The following PTPRN2 variants were observed in gnomAD, a reference collection of about 807,000 sequenced individuals.
PTPRN2 encodes the protein protein tyrosine phosphatase receptor type N2.
A neutral mutation model predicts 118.8 loss-of-function variants in PTPRN2; 74 were observed. The observed-to-expected ratio is 0.62, with a 90% CI of 0.52 to 0.76. The LOEUF (loss-of-function observed/expected upper bound fraction) is 0.76, where lower values mean the gene tolerates loss of function less well. Ranked by LOEUF, PTPRN2 falls within the 30% of genes least tolerant of loss-of-function variation. The pLI, the probability that PTPRN2 is intolerant of heterozygous loss-of-function variation, is 0.00. For missense variants in PTPRN2, 1,481 were observed against 1,394.4 expected (o/e 1.06, Z -0.99); for synonymous variants, 641 against 608.0 (o/e 1.05, Z -0.80).
At chr7:157,793,725 A>G (rs1242620795) in intron 12 of PTPRN2, among the ~76,000 whole-genome samples, 1 of 152,152 alleles carries the variant, frequency 6.6e-6, no homozygotes, top group Non-Finnish European at 1.5e-5. Context: ...CCCCAGGGCC[A>G]CGTATAGATC....
intron 1 of PTPRN2, among the ~76,000 whole-genome samples, chr7:158,584,605 C>T (rs916581134): frequency 6.6e-6 from 1 of 152,088 alleles, no homozygotes; most frequent in African/African-American, 2.4e-5. Context: ...GGAGCCCTTC[C>T]GACCAGAAAG....
At chr7:157,642,086 C>T (rs926114127) in intron 14 of PTPRN2, among the ~76,000 whole-genome samples, 9 of 152,348 alleles carry the variant, frequency 5.9e-5, no homozygotes, top group Middle Eastern at 3.4e-3. Context: ...CCCCCTGCCA[C>T]GCCCGACACT....
intron 3 of PTPRN2, among the ~76,000 whole-genome samples, chr7:158,299,291 C>T (rs553081430): frequency 7.2e-6 from 1 of 139,160 alleles, no homozygotes; most frequent in East Asian, 2.1e-4. Flanking sequence ...GCAGGGCTCT[C>T]AGGAAGCAAT....
chr7:158,339,159 T>C (rs1400169153), intron 2 of PTPRN2, among the ~76,000 whole-genome samples: 1 of 3,450 alleles, frequency 2.9e-4, no homozygotes, highest in Non-Finnish European at 4.9e-4. Flanking sequence ...AGAGGTGACA[T>C]ATGCAGACGT....
intron 2 of PTPRN2, among the ~76,000 whole-genome samples, chr7:158,468,481 C>T: frequency 6.6e-6 from 1 of 152,184 alleles, no homozygotes; most frequent in Non-Finnish European, 1.5e-5. Flanking sequence ...GCCCCCACCC[C>T]GCCCCTCGCC....
At chr7:158,332,768 C>A (rs1392627593) in intron 2 of PTPRN2, among the ~76,000 whole-genome samples, 2 of 151,642 alleles carry the variant, frequency 1.3e-5, no homozygotes, top group Admixed American at 6.6e-5. Flanking sequence ...GACACTCACA[C>A]CCATACTCTC....
chr7:157,755,349 T>A (rs1585387606), intron 12 of PTPRN2, among the ~76,000 whole-genome samples: 1 of 152,226 alleles, frequency 6.6e-6, no homozygotes, highest in African/African-American at 2.4e-5. Flanking sequence ...TCTGATGATG[T>A]TTGTTATTTT....
chr7:157,981,518 T>A (rs553645237), intron 11 of PTPRN2, among the ~76,000 whole-genome samples: 7 of 152,330 alleles, frequency 4.6e-5, no homozygotes, highest in South Asian at 4.1e-4. Context: ...AAAACAATAG[T>A]TTCTTTCCTG....
At chr7:157,890,149 G>A (rs921171823) in intron 12 of PTPRN2, among the ~76,000 whole-genome samples, 19 of 151,372 alleles carry the variant, frequency 1.3e-4, no homozygotes, top group African/African-American at 4.1e-4. Flanking sequence ...TACATTTCTC[G>A]GAGTTTGATT....
chr7:158,116,964 A>G (rs758836340), intron 9 of PTPRN2, among the ~76,000 whole-genome samples: 2 of 152,214 alleles, frequency 1.3e-5, no homozygotes, highest in African/African-American at 2.4e-5. Context: ...TGGAGAGACA[A>G]TCTGATTTCC....
rs114162402 is a variant in PTPRN2, at chr7:157,750,261, C to T, written c.1789-67324G>A. On this transcript the variant is annotated intron_variant, in intron 12 of 22. Transcript: ENST00000389418. The stretch of plus-strand genomic sequence containing the variant: ...GGATGAGTTTTGGAAGCAGCCCTAC[C>T]AATGTTCTTTCTCTTGTTTCTTGTT... 8.3e-3 allele frequency among the ~76,000 whole-genome samples: 1,268 copies of T among 152,238 alleles called. 15 individuals carry two copies. The highest frequency in any genetic ancestry group is 0.029 in the African/African-American group (1,209 of 41,532).
At chr7:158,449,898 G>A (rs767305504) in intron 2 of PTPRN2, among the ~76,000 whole-genome samples, 71 of 152,184 alleles carry the variant, frequency 4.7e-4, no homozygotes, top group African/African-American at 1.6e-3. Flanking sequence ...AACACAAAAC[G>A]TTGCTGTAGT....
At chr7:157,614,266 G>A (rs1043970022) in intron 15 of PTPRN2, among the ~76,000 whole-genome samples, 3 of 152,014 alleles carry the variant, frequency 2.0e-5, no homozygotes, top group Non-Finnish European at 4.4e-5. Flanking sequence ...GCATCGTGGA[G>A]ACCTGTACAC....
rs1563193968 is a variant in PTPRN2, at chr7:157,539,283, A to ACGT, written c.*1430_*1431insACG. 3.3e-5 allele frequency: 5 copies of ACGT among 152,370 alleles called. No homozygotes were observed. The highest frequency in any genetic ancestry group is 1.2e-4 in the African/African-American group (5 of 41,576). 9.4% of individuals were successfully genotyped at this position (152,370 alleles called of 1,614,324 possible). On this transcript the variant is annotated 3_prime_UTR_variant, in exon 23 of 23. Transcript: ENST00000389418. ...CATTACAATACCATGTAGAGACATA[A>ACGT]GCAATATTTTGGCATCATTCTGTCC...
intron 12 of PTPRN2, among the ~76,000 whole-genome samples, chr7:157,721,563 T>G (rs1485570046): frequency 2.6e-5 from 4 of 152,198 alleles, no homozygotes. Flanking sequence ...ACAGCACCGC[T>G]GTCTGTTCCC....
At chr7:158,112,976 G>C (rs1273485133) in intron 9 of PTPRN2, among the ~76,000 whole-genome samples, 1 of 152,122 alleles carries the variant, frequency 6.6e-6, no homozygotes, top group Non-Finnish European at 1.5e-5. Flanking sequence ...ACCTAAGACG[G>C]AGCCTTGCCC....
At chr7:158,210,561 G>A (rs1469753360) in intron 3 of PTPRN2, among the ~76,000 whole-genome samples, 1 of 151,896 alleles carries the variant, frequency 6.6e-6, no homozygotes, top group Admixed American at 6.6e-5. Context: ...AGATAAAATT[G>A]ACAAACCATT....
Position 157,763,919 on chromosome 7 carries a change from A to G in PTPRN2, c.1789-80982T>C, listed in dbSNP as rs568119283. ...AGAGAAGCAACAACACCTCATATTC[A>G]GTCTAACCTGTGACCATTTTCCAAA... On this transcript the variant is annotated intron_variant, in intron 12 of 22. Transcript: ENST00000389418. The surrounding 1 kb of genome is among the most constrained non-coding windows in gnomAD (Gnocchi z 4.9). 3.3e-5 allele frequency among the ~76,000 whole-genome samples: 5 copies of G among 152,206 alleles called. No homozygotes were observed. The East Asian group carries it at 5.8e-4, about 18-fold the overall frequency.
chr7:157,937,848 C>T (rs562105304), intron 11 of PTPRN2, among the ~76,000 whole-genome samples: 40 of 152,232 alleles, frequency 2.6e-4, no homozygotes, highest in African/African-American at 8.7e-4. Flanking sequence ...TGCCTAGTGA[C>T]GTGAGCCCCA....
Sources: allele counts gnomAD v4.1 joint callset (sites outside exome capture counted in the v4.1 genomes callset), GRCh38; gene constraint gnomAD v4.1.1; non-coding constraint Gnocchi (gnomAD v3.1); transcripts MANE v1.5; gene names NCBI Gene and HGNC (gene_info 2026-07-23, HGNC 2026-07-21).